The following LNPEP variants were observed in gnomAD, a reference collection of about 807,000 sequenced individuals.
LNPEP encodes leucyl-cystinyl aminopeptidase.
LNPEP carries 64 observed loss-of-function variants against 120.6 expected under a neutral mutation model. The observed-to-expected ratio is 0.53, with a 90% CI of 0.43 to 0.65. The LOEUF (loss-of-function observed/expected upper bound fraction) is 0.65, where lower values mean the gene tolerates loss of function less well. Among genes scored for constraint, LNPEP ranks in the 30% least tolerant of loss-of-function variants. LNPEP has a pLI of 0.00. For synonymous variants in LNPEP, 435 were observed against 425.4 expected, an observed-to-expected ratio of 1.02 and a Z score of -0.28; for missense variants, 1,057 against 1,200.0, an observed-to-expected ratio of 0.88 and a Z score of 1.76.
chr5:97,028,441 C>G lies in LNPEP; in HGVS notation c.2986C>G (p.Arg996Gly), dbSNP rs761580978. 1.4e-5 allele frequency: 23 copies of G among 1,613,682 alleles called. 1 individual carries two copies. In the South Asian group the frequency reaches 2.3e-4, roughly 16 times the overall value. ...TGAAAATCAGTCAGAGGCAACCTTC[C>G]GGCTTCGTTGTGTCCAGGAGGCTTT... ...FFENQSEATF[R>G]LRCVQEALEV... Residue 996 changes from arginine (R) to glycine (G), a missense_variant, in exon 18 of 18, where the codon CGG becomes GGG. Physicochemically the swap from Arg to Gly is moderately radical, Grantham distance 125 (BLOSUM62 -2). Transcript: ENST00000231368.
intron 11 of LNPEP, chr5:97,010,496 T>C: frequency 1.0e-6 from 1 of 985,414 alleles, no homozygotes; most frequent in Non-Finnish European, 1.2e-6. Context: ...ACAGGAGTGA[T>C]AAAGTTCAAT....
chr5:96,993,789 T>C, intron 5 of LNPEP, 28 bp from the exon 6 acceptor site: 1 of 1,607,796 alleles, frequency 6.2e-7, no homozygotes, highest in African/African-American at 1.3e-5. Flanking sequence ...TGAGGGAAAG[T>C]TGATCACTTA....
intron 8 of LNPEP, 95 bp downstream of exon 8, chr5:96,998,240 T>C: frequency 2.0e-6 from 2 of 996,484 alleles, no homozygotes; most frequent in South Asian, 1.5e-5. Context: ...ATTTTAAAGA[T>C]TAAATGTTTT....
At position 97,013,795 on chromosome 5, in the gene LNPEP, G is replaced by A. The variant is rs773845849; in HGVS notation, c.2183G>A (p.Arg728Gln). 3.7e-6 allele frequency: 6 copies of A among 1,605,920 alleles called. No individual in the cohort carries two copies. Among genetic ancestry groups the A allele is most frequent in the East Asian group, 2.2e-5 (1 of 44,720 alleles). ...INPYVLSDKD[R>Q]ANLINNIFEL... ...CCTTATGTTCTGAGTGACAAAGACC[G>A]AGCCAACCTTATCAACAACATCTTT... is the stretch of plus-strand genomic sequence containing the variant. The change falls in exon 12 of 18, where the codon CGA becomes CAA. Residue 728 changes from arginine to glutamine, a missense_variant. Arg to Gln is a conservative substitution (Grantham distance 43, BLOSUM62 1). Coordinates refer to ENST00000231368, the MANE Select transcript of LNPEP (RefSeq NM_005575.3).
At chr5:97,024,756 A>C in intron 15 of LNPEP, 74 bp downstream of exon 15, 19 of 1,353,246 alleles carry the variant, frequency 1.4e-5, no homozygotes, top group Non-Finnish European at 1.8e-5. Flanking sequence ...TCAGGAGCTC[A>C]TTTTTGAGGG....
At chr5:96,936,425 G>A in intron 1 of LNPEP, 1 of 394,594 alleles carries the variant, frequency 2.5e-6, no homozygotes, top group Non-Finnish European at 4.5e-6. Flanking sequence ...GCGGCCGGTG[G>A]GCAAACAGCA....
intron 1 of LNPEP, among the ~76,000 whole-genome samples, chr5:96,948,934 T>C (rs1004872371): frequency 3.3e-5 from 5 of 152,268 alleles, no homozygotes; most frequent in South Asian, 2.1e-4. Context: ...ACTAGCTCTC[T>C]GATTCTTAAG....
At chr5:96,982,541 A>G (rs1379015438) in intron 2 of LNPEP, among the ~76,000 whole-genome samples, 2 of 152,194 alleles carry the variant, frequency 1.3e-5, no homozygotes, top group African/African-American at 4.8e-5. Flanking sequence ...TCTAATTTTT[A>G]TCCAAAAGTG....
At chr5:96,961,399 T>A (rs1280491892) in intron 1 of LNPEP, among the ~76,000 whole-genome samples, 2 of 152,150 alleles carry the variant, frequency 1.3e-5, no homozygotes, top group African/African-American at 4.8e-5. Flanking sequence ...AAAAAAGAAA[T>A]CTGCTTGGTT....
chr5:97,020,211 C>G (rs1791160133), intron 13 of LNPEP, among the ~76,000 whole-genome samples: 1 of 152,002 alleles, frequency 6.6e-6, no homozygotes, highest in Non-Finnish European at 1.5e-5. Flanking sequence ...TAAAAATTTC[C>G]AAATAGGATT....
chr5:97,008,645 C>A (rs1407843632), intron 11 of LNPEP, among the ~76,000 whole-genome samples: 1 of 145,550 alleles, frequency 6.9e-6, no homozygotes, highest in Non-Finnish European at 1.5e-5. Context: ...AGCCACCGCA[C>A]CTGGCTCCTC....
chr5:97,021,084 G>A (rs964597188), intron 13 of LNPEP, among the ~76,000 whole-genome samples: 1 of 152,164 alleles, frequency 6.6e-6, no homozygotes, highest in Non-Finnish European at 1.5e-5. Context: ...TAGATTGGAT[G>A]ATATTAATGA....
chr5:97,016,573 G>A (rs1397123105), intron 13 of LNPEP, among the ~76,000 whole-genome samples: 1 of 152,090 alleles, frequency 6.6e-6, no homozygotes, highest in African/African-American at 2.4e-5. Flanking sequence ...ATCAATTTGT[G>A]TCCTAGCAAC....
chr5:96,946,402 A>T (rs1172156822), intron 1 of LNPEP, among the ~76,000 whole-genome samples: 1 of 152,246 alleles, frequency 6.6e-6, no homozygotes, highest in Non-Finnish European at 1.5e-5. Context: ...GGATTAGATA[A>T]TAGAGCATGT....
chr5:96,973,179 A>C (rs577216267), intron 1 of LNPEP, among the ~76,000 whole-genome samples: 1 of 152,188 alleles, frequency 6.6e-6, no homozygotes, highest in South Asian at 2.1e-4. Flanking sequence ...TAAACTTGTA[A>C]CTTCTCATGA....
intron 1 of LNPEP, chr5:96,936,393 G>A: frequency 2.4e-6 from 1 of 411,376 alleles, no homozygotes; most frequent in Non-Finnish European, 4.3e-6. Context: ...GAAGGTCAGC[G>A]CCGCCGCCGC....
Position 97,022,448 on chromosome 5 carries a change from T to C in LNPEP, c.2525T>C (p.Leu842Pro). 6.2e-7 allele frequency: 1 copy of C among 1,614,056 alleles called. No homozygotes were observed. Among genetic ancestry groups the C allele is most frequent in the Non-Finnish European group, 8.5e-7 (1 of 1,179,960 alleles). Reference sequence around the variant, plus strand: ...AACTGCTCTACTACTGCCATGAAACTGTTTGATGACTGGATGGCATCCAAT... The same window carrying C: ...AACTGCTCTACTACTGCCATGAAACCGTTTGATGACTGGATGGCATCCAAT... ...LGNCSTTAMK[L>P]FDDWMASNGT... Residue 842 changes from leucine (L) to proline (P), a missense_variant, in exon 14 of 18, where the codon CTG (leucine) becomes CCG (proline). Leu to Pro is a moderately conservative substitution (Grantham distance 98). Coordinates refer to ENST00000231368, the MANE Select transcript of LNPEP (RefSeq NM_005575.3).
intron 13 of LNPEP, among the ~76,000 whole-genome samples, chr5:97,020,567 C>A (rs1242001405): frequency 6.6e-6 from 1 of 152,138 alleles, no homozygotes; most frequent in African/African-American, 2.4e-5. Context: ...CTTTGGGAGG[C>A]CGAGGCAGGT....
chr5:97,017,175 G>A (rs1453891245), intron 13 of LNPEP, among the ~76,000 whole-genome samples: 1 of 152,070 alleles, frequency 6.6e-6, no homozygotes, highest in Non-Finnish European at 1.5e-5. Context: ...TTAGCCATGT[G>A]GATAGGTGCA....
Sources: allele counts gnomAD v4.1 joint callset (sites outside exome capture counted in the v4.1 genomes callset), GRCh38; gene constraint gnomAD v4.1.1; transcripts MANE v1.5; gene names NCBI Gene and HGNC (gene_info 2026-07-23, HGNC 2026-07-21).